Variants in MALRD1 observed in about 807,000 individuals in gnomAD.
The protein encoded by MALRD1 is MAM and LDL receptor class A domain containing 1.
Under a neutral mutation model 242.1 loss-of-function variants are expected in MALRD1, and 247 were observed. The ratio of observed to expected loss-of-function variants is 1.02; its 90% CI spans 0.92 to 1.13. The LOEUF (loss-of-function observed/expected upper bound fraction) is 1.13, where lower values mean the gene tolerates loss of function less well. Ranked by LOEUF, MALRD1 falls within the 50% of genes most tolerant of loss-of-function variation. MALRD1 has a pLI of 0.00. For synonymous variants in MALRD1, 995 were observed against 866.6 expected, an observed-to-expected ratio of 1.15 and a Z score of -2.60; for missense variants, 2,989 against 2,533.1, an observed-to-expected ratio of 1.18 and a Z score of -3.86.
intron 32 of MALRD1, among the ~76,000 whole-genome samples, chr10:19,545,313 C>T (rs984447580): frequency 1.3e-5 from 2 of 152,128 alleles, no homozygotes; most frequent in African/African-American, 4.8e-5. Context: ...AGGGCTGCAA[C>T]ATATGAACTT....
chr10:19,390,785 G>A (rs141581488), intron 28 of MALRD1, among the ~76,000 whole-genome samples: 10 of 152,180 alleles, frequency 6.6e-5, no homozygotes, highest in African/African-American at 2.4e-4. Context: ...CAGAGTCTAT[G>A]TTTTATTGGA....
chr10:19,097,743 G>A (rs1454019990), intron 4 of MALRD1, among the ~76,000 whole-genome samples: 1 of 152,170 alleles, frequency 6.6e-6, no homozygotes, highest in Admixed American at 6.6e-5. Flanking sequence ...TTACTAAACA[G>A]ACCTGGACTT....
In MALRD1 at chr10:19,280,123, C is replaced by A. The variant is rs148123615; in HGVS notation, c.3156C>A (p.Asp1052Glu). The A allele has an allele frequency of 1.3e-6, 2 of 1,545,916 alleles. No individual in the cohort carries two copies. Among genetic ancestry groups the A allele is most frequent in the Non-Finnish European group, 1.7e-6 (2 of 1,145,294 alleles). The change falls in exon 20 of 40, where the codon GAC (aspartate) becomes GAA (glutamate). Residue 1052 changes from aspartate to glutamate, a missense_variant. Asp to Glu is a conservative substitution (Grantham distance 45). Coordinates refer to ENST00000454679, the MANE Select transcript of MALRD1 (RefSeq NM_001142308.3). Reference protein sequence around the residue: ...PVTLPPHNCTDNEFICRSDGH... With the variant: ...PVTLPPHNCTENEFICRSDGH... ...CATTACCTCCACACAACTGCACAGA[C>A]AATGAATTTATCTGCAGGTCTGATG... is the stretch of plus-strand genomic sequence containing the variant.
At chr10:19,053,209 G>A (rs557783868) in intron 1 of MALRD1, among the ~76,000 whole-genome samples, 63 of 152,314 alleles carry the variant, frequency 4.1e-4, no homozygotes, top group African/African-American at 1.5e-3. Context: ...CGTGGAGAAA[G>A]GCCACATGAA....
chr10:19,225,428 A>G (rs1837753122), intron 18 of MALRD1, among the ~76,000 whole-genome samples: 1 of 152,152 alleles, frequency 6.6e-6, no homozygotes, highest in African/African-American at 2.4e-5. Context: ...TATCAGGTGT[A>G]GGCTATTTCT....
chr10:19,277,078 C>A (rs1176854216), intron 19 of MALRD1, among the ~76,000 whole-genome samples: 2 of 151,912 alleles, frequency 1.3e-5, no homozygotes, highest in Non-Finnish European at 2.9e-5. Context: ...GGCCACCATG[C>A]CCAGCTAATT....
intron 4 of MALRD1, among the ~76,000 whole-genome samples, chr10:19,094,568 G>A (rs560372078): frequency 6.4e-4 from 97 of 151,838 alleles, no homozygotes; most frequent in African/African-American, 2.2e-3. Context: ...CGCTCACGCT[G>A]GGAGCTGTAG....
At chr10:19,520,233 T>G (rs1481422236) in intron 31 of MALRD1, among the ~76,000 whole-genome samples, 3 of 152,134 alleles carry the variant, frequency 2.0e-5, no homozygotes, top group Non-Finnish European at 4.4e-5. Flanking sequence ...CCACTGTCCT[T>G]TAATGTGGAT....
At chr10:19,576,454 A>G (rs1836830356) in intron 33 of MALRD1, among the ~76,000 whole-genome samples, 1 of 152,234 alleles carries the variant, frequency 6.6e-6, no homozygotes, top group African/African-American at 2.4e-5. Context: ...ACCAGCAACA[A>G]TAAACCCTCC....
At chr10:19,145,228 G>T (rs1380212310) in intron 10 of MALRD1, among the ~76,000 whole-genome samples, 1 of 152,164 alleles carries the variant, frequency 6.6e-6, no homozygotes, top group Non-Finnish European at 1.5e-5. Context: ...TAAATTTGGT[G>T]TCAAAGCTGT....
intron 8 of MALRD1, among the ~76,000 whole-genome samples, chr10:19,129,906 A>C (rs867683088): frequency 3.3e-5 from 5 of 150,268 alleles, no homozygotes; most frequent in African/African-American, 1.2e-4. Flanking sequence ...GATGTCATAT[A>C]TATATCACAT....
At chr10:19,697,916 G>C (rs956089969) in intron 38 of MALRD1, among the ~76,000 whole-genome samples, 8 of 151,856 alleles carry the variant, frequency 5.3e-5, no homozygotes, top group African/African-American at 1.9e-4. Context: ...AACTTATTTA[G>C]ATTCCCCAGG....
At chr10:19,677,350 C>G (rs940894742) in intron 36 of MALRD1, among the ~76,000 whole-genome samples, 2 of 152,136 alleles carry the variant, frequency 1.3e-5, no homozygotes, top group Admixed American at 1.3e-4. Context: ...TTAATAATCT[C>G]CATTCTGACT....
At position 19,450,379 on chromosome 10, in the gene MALRD1, A is replaced by T; in HGVS notation, c.4918A>T (p.Ile1640Phe). 1 of 1,550,254 alleles carries T rather than the reference A, an allele frequency of 6.5e-7. No individual in the cohort carries two copies. The highest frequency in any genetic ancestry group is 8.7e-7 in the Non-Finnish European group (1 of 1,146,928). Reference protein sequence around the residue: ...NPGNHWQKADILLGKLRNFEV... With the variant: ...NPGNHWQKADFLLGKLRNFEV... ...TGGTAATCATTGGCAAAAGGCTGACATCCTGCTAGGAAAGTTAAGGAATTT... is the reference window on the plus strand; with the variant it reads ...TGGTAATCATTGGCAAAAGGCTGACTTCCTGCTAGGAAAGTTAAGGAATTT... The change falls in exon 29 of 40, where the codon ATC (isoleucine) becomes TTC (phenylalanine). Residue 1640 changes from isoleucine to phenylalanine, a missense_variant. Transcript: ENST00000454679.
At chr10:19,395,245 G>A (rs760376336) in intron 28 of MALRD1, among the ~76,000 whole-genome samples, 4 of 152,194 alleles carry the variant, frequency 2.6e-5, no homozygotes, top group Non-Finnish European at 4.4e-5. Context: ...AGTTAAGGAC[G>A]TGTGCCCATG....
chr10:19,487,935 G>T (rs1463480188), intron 29 of MALRD1, among the ~76,000 whole-genome samples: 1 of 152,092 alleles, frequency 6.6e-6, no homozygotes. Context: ...CTCTGGATAT[G>T]CACTTTTAGT....
At chr10:19,213,927 C>CT (rs1414223614) in intron 18 of MALRD1, among the ~76,000 whole-genome samples, 1 of 152,178 alleles carries the variant, frequency 6.6e-6, no homozygotes, top group African/African-American at 2.4e-5. Context: ...AGGCAAGATC[C>CT]TTCTGGGTAT....
At chr10:19,305,361 T>C (rs1842120163) in intron 21 of MALRD1, among the ~76,000 whole-genome samples, 1 of 151,628 alleles carries the variant, frequency 6.6e-6, no homozygotes, top group African/African-American at 2.4e-5. Context: ...ATAAGAAATA[T>C]GCCCCAAGTA....
intron 36 of MALRD1, among the ~76,000 whole-genome samples, chr10:19,650,078 A>G (rs997298471): frequency 1.3e-5 from 2 of 152,158 alleles, no homozygotes; most frequent in South Asian, 4.2e-4. Context: ...TAGCAGAGAA[A>G]TGGAAATTAT....
Sources: allele counts gnomAD v4.1 joint callset (sites outside exome capture counted in the v4.1 genomes callset), GRCh38; gene constraint gnomAD v4.1.1; transcripts MANE v1.5; gene names NCBI Gene and HGNC (gene_info 2026-07-23, HGNC 2026-07-21).